Variants in PATL1 observed in about 807,000 individuals in gnomAD.
PATL1 encodes protein PAT1 homolog 1.
A neutral mutation model predicts 100.6 loss-of-function variants in PATL1; 32 were observed. The ratio of observed to expected loss-of-function variants is 0.32; its 90% CI spans 0.24 to 0.43. The LOEUF is 0.43. Among genes scored for constraint, PATL1 ranks in the 20% least tolerant of loss-of-function variants. The pLI is 1.00. For synonymous variants in PATL1, 332 were observed against 330.0 expected (o/e 1.01, Z -0.07); for missense variants, 747 against 949.9 (o/e 0.79, Z 2.81).
At chr11:59,651,160 C>T (rs977457636) in intron 12 of PATL1, among the ~76,000 whole-genome samples, 1 of 152,052 alleles carries the variant, frequency 6.6e-6, no homozygotes, top group African/African-American at 2.4e-5. Flanking sequence ...AAACTTATGT[C>T]ATGGGGGTTG....
chr11:59,653,734 C>T lies in PATL1; in HGVS notation c.1121+249G>A, dbSNP rs113294398. 3.3e-3 allele frequency among the ~76,000 whole-genome samples: 498 copies of T among 152,190 alleles called. 1 individual carries two copies. Among genetic ancestry groups the T allele is most frequent in the Non-Finnish European group, 5.2e-3 (351 of 68,016 alleles). ...TTTTCTACGTTTATTACTTGTGTGT[C>T]TGTCTTTAAATATTACACAGTATTA... On this transcript the variant is annotated intron_variant, in intron 9 of 18. Transcript: ENST00000300146.
chr11:59,649,758 T>A (rs577988827), intron 13 of PATL1, 148 bp from the exon 14 acceptor site: 2 of 837,964 alleles, frequency 2.4e-6, no homozygotes, highest in African/African-American at 3.5e-5. Context: ...GAAAACCATA[T>A]GAAATAACTT....
Position 59,638,110 on chromosome 11 carries a change from G to A in PATL1, c.*280C>T, listed in dbSNP as rs545200740. ...GAGAGATTACACTTGTGTCTCTAGG[G>A]CAAAGAAAATGCAAAACAGAACTGA... On this transcript the variant is annotated 3_prime_UTR_variant, in exon 19 of 19. Coordinates refer to ENST00000300146, the MANE Select transcript of PATL1 (RefSeq NM_152716.3). The A allele has an allele frequency of 2.5e-5, 12 of 484,572 alleles. No homozygotes were observed. The highest frequency in any genetic ancestry group is 2.3e-4 in the South Asian group (9 of 39,162). 30.0% of individuals were successfully genotyped at this position (484,572 alleles called of 1,614,324 possible). A position where few individuals can be genotyped will look rare whatever the true frequency, so the allele number is the denominator to read the frequency against.
At chr11:59,650,883 G>C (rs971706855) in intron 12 of PATL1, 70 bp from the exon 13 acceptor site, 2 of 1,072,682 alleles carry the variant, frequency 1.9e-6, no homozygotes, top group Non-Finnish European at 2.7e-6. Context: ...GTGCGCATTT[G>C]TAGGTTCATT....
chr11:59,663,059 A>G (rs1188924410), intron 2 of PATL1, among the ~76,000 whole-genome samples: 1 of 152,144 alleles, frequency 6.6e-6, no homozygotes, highest in African/African-American at 2.4e-5. Flanking sequence ...CTTACTATAA[A>G]ACAATATTTC....
Position 59,642,939 on chromosome 11 carries a change from G to C in PATL1, c.1990C>G (p.Gln664Glu). ...SLLRQLMNLP[Q>E]SAATPALSNP... Reference sequence around the variant, plus strand: ...GAGAGTGCTGGTGTAGCTGCACTTTGAGGTAGGTTCATTAGCTGTCGCAAA... The same window carrying C: ...GAGAGTGCTGGTGTAGCTGCACTTTCAGGTAGGTTCATTAGCTGTCGCAAA... The change falls in exon 16 of 19, where the codon CAA becomes GAA. Residue 664 changes from glutamine to glutamate, a missense_variant. Gln to Glu is a conservative substitution (Grantham distance 29, BLOSUM62 2). Coordinates refer to ENST00000300146, the MANE Select transcript of PATL1 (RefSeq NM_152716.3). The C allele has an allele frequency of 6.2e-7, 1 of 1,613,984 alleles. No individual in the cohort carries two copies. Among genetic ancestry groups the C allele is most frequent in the Non-Finnish European group, 8.5e-7 (1 of 1,179,872 alleles).
At chr11:59,647,962 A>C in intron 14 of PATL1, 49 bp from the exon 15 acceptor site, 1 of 1,528,052 alleles carries the variant, frequency 6.5e-7, no homozygotes, top group Non-Finnish European at 8.9e-7. Context: ...CAATTAAGAA[A>C]CCCTCATTTT....
At chr11:59,666,069 C>T (rs1375578591) in intron 2 of PATL1, among the ~76,000 whole-genome samples, 1 of 151,996 alleles carries the variant, frequency 6.6e-6, no homozygotes, top group East Asian at 1.9e-4. Flanking sequence ...GGGCGGATCA[C>T]GAGGTCAGGA....
At chr11:59,656,139 G>A in intron 6 of PATL1, 94 bp from the exon 7 acceptor site, 1 of 731,932 alleles carries the variant, frequency 1.4e-6, no homozygotes. Context: ...TATAAACTTG[G>A]ATATAAAAAC....
intron 16 of PATL1, among the ~76,000 whole-genome samples, chr11:59,640,151 G>A (rs1258839135): frequency 1.3e-5 from 2 of 151,294 alleles, no homozygotes; most frequent in Non-Finnish European, 2.9e-5. Context: ...AGACCAGCCT[G>A]ATCAAAATGG....
intron 12 of PATL1, 77 bp from the exon 13 acceptor site, chr11:59,650,890 C>G: frequency 1.0e-6 from 1 of 963,726 alleles, no homozygotes; most frequent in Non-Finnish European, 1.5e-6. Context: ...TTTGTAGGTT[C>G]ATTTGTGACA....
At chr11:59,655,917 A>G in intron 7 of PATL1, 39 bp downstream of exon 7, 2 of 1,476,424 alleles carry the variant, frequency 1.4e-6, no homozygotes, top group South Asian at 1.2e-5. Context: ...TTAGGAAAGT[A>G]GGAGAGTTCT....
chr11:59,657,704 T>C lies in PATL1; in HGVS notation c.447A>G (p.Val149=). The change falls in exon 5 of 19, where the codon GTA becomes GTG. Residue 149 remains valine (V), a synonymous_variant. Coordinates refer to ENST00000300146, the MANE Select transcript of PATL1 (RefSeq NM_152716.3). ...LLAQEMPTVS[V]LEYALPQRPP... ...GCCTCTGAGGCAAAGCATATTCTAA[T>C]ACAGACACTGTAGGCATTTCCTAAT... The C allele has an allele frequency of 6.2e-7, 1 of 1,608,878 alleles. No individual in the cohort carries two copies. The highest frequency in any genetic ancestry group is 8.5e-7 in the Non-Finnish European group (1 of 1,177,112).
intron 1 of PATL1, among the ~76,000 whole-genome samples, chr11:59,667,815 T>C (rs1423869180): frequency 6.6e-6 from 1 of 152,238 alleles, no homozygotes; most frequent in Non-Finnish European, 1.5e-5. Flanking sequence ...TCAATCTTAC[T>C]CAACTGATTT....
intron 16 of PATL1, among the ~76,000 whole-genome samples, chr11:59,641,413 T>C (rs1237051698): frequency 6.6e-6 from 1 of 152,132 alleles, no homozygotes; most frequent in Non-Finnish European, 1.5e-5. Flanking sequence ...TGGCAGTACT[T>C]TGGGATTCCA....
intron 15 of PATL1, among the ~76,000 whole-genome samples, chr11:59,645,192 A>G (rs1478941093): frequency 8.2e-6 from 1 of 121,374 alleles, no homozygotes; most frequent in African/African-American, 3.2e-5. Flanking sequence ...TTCTACACAG[A>G]CACGGCAACC....
chr11:59,657,647 A>C lies in PATL1; in HGVS notation c.504T>G (p.Leu168=). 6.2e-7 allele frequency: 1 copy of C among 1,613,740 alleles called. No individual in the cohort carries two copies. ...ACCGCCTTGGTAATGCTCGTTCAGA[A>C]AGGTCCCGATCATCTTCTGGACCCT... ...PPQGPEDDRD[L]SERALPRRST... The change falls in exon 5 of 19, where the codon CTT becomes CTG. Residue 168 remains leucine, a synonymous_variant. Coordinates refer to ENST00000300146, the MANE Select transcript of PATL1 (RefSeq NM_152716.3).
At position 59,652,780 on chromosome 11, in the gene PATL1, A is replaced by G. The variant is rs1861465005; in HGVS notation, c.1302+58T>C. 9.1e-6 allele frequency: 14 copies of G among 1,541,892 alleles called. No individual in the cohort carries two copies. In the East Asian group the frequency reaches 3.2e-4, roughly 35 times the overall value. On this transcript the variant is annotated intron_variant, in intron 10 of 18. Coordinates refer to ENST00000300146, the MANE Select transcript of PATL1 (RefSeq NM_152716.3). ...TAATTGTACCAATATTTAAATGAAT[A>G]CCCTCACCAGTGTAGGGGACCAAAC...
intron 13 of PATL1, 32 bp from the exon 14 acceptor site, chr11:59,649,642 T>C (rs1218546138): frequency 6.2e-7 from 1 of 1,602,890 alleles, no homozygotes; most frequent in African/African-American, 1.3e-5. Context: ...GGCCACAGCA[T>C]GCTAGGTCAG....
Sources: allele counts gnomAD v4.1 joint callset (sites outside exome capture counted in the v4.1 genomes callset), GRCh38; gene constraint gnomAD v4.1.1; transcripts MANE v1.5; gene names NCBI Gene and HGNC (gene_info 2026-07-23, HGNC 2026-07-21).